Variants in PLS3 observed in about 807,000 individuals in gnomAD.
The protein encoded by PLS3 is plastin-3.
In PLS3, 11 loss-of-function variants were observed where a neutral mutation model predicts 46.5. The ratio of observed to expected loss-of-function variants is 0.24; its 90% CI spans 0.15 to 0.39. The LOEUF (loss-of-function observed/expected upper bound fraction) is 0.39, where lower values mean the gene tolerates loss of function less well. PLS3 is among the 10% of genes least tolerant of loss of function. PLS3 has a pLI of 1.00. For synonymous variants in PLS3, 167 were observed against 162.2 expected, an observed-to-expected ratio of 1.03 and a Z score of -0.22; for missense variants, 308 against 461.8, an observed-to-expected ratio of 0.67 and a Z score of 3.05.
At chrX:115,643,849 G>A (rs1256915741) in intron 10 of PLS3, among the ~76,000 whole-genome samples, 2 of 111,361 alleles carry the variant, frequency 1.8e-5, no homozygotes, top group Non-Finnish European at 3.8e-5. Flanking sequence ...GCACATGCCT[G>A]TAATCCCAGC....
rs2074993185 is a variant in PLS3, at chrX:115,650,666, A to G, written c.*1105A>G. On this transcript the variant is annotated 3_prime_UTR_variant, in exon 16 of 16. Transcript: ENST00000355899. ...TAGTAGTTCAAATAAAGGCATTTAC[A>G]TAATAATTAGTCTGTTCTTCATGCT... The G allele has an allele frequency of 8.9e-6, 1 of 112,362 alleles. No individual in the cohort carries two copies. The highest frequency in any genetic ancestry group is 3.7e-4 in the South Asian group (1 of 2,714). 9.3% of individuals were successfully genotyped at this position (112,362 alleles called of 1,213,427 possible).
intron 10 of PLS3, among the ~76,000 whole-genome samples, chrX:115,644,037 T>A (rs1332020380): frequency 1.8e-5 from 2 of 111,176 alleles, no homozygotes; most frequent in Admixed American, 9.6e-5. Context: ...AGTAAATCAG[T>A]ATTTAGTTTT....
At chrX:115,639,696 GC>G (rs2147566133) in intron 8 of PLS3, 1 of 331,550 alleles carries the variant, frequency 3.0e-6, no homozygotes, top group Non-Finnish European at 5.8e-6. Flanking sequence ...TTCTTAATAA[GC>G]GTTTGTGCAA....
chrX:115,600,983 A>G (rs1247616890), intron 1 of PLS3, among the ~76,000 whole-genome samples: 2 of 111,546 alleles, frequency 1.8e-5, no homozygotes, highest in Admixed American at 1.9e-4. Flanking sequence ...AGAGACCAGA[A>G]TAAAACAAAA....
In PLS3 at chrX:115,609,710, A is replaced by T. The variant is rs782283230; in HGVS notation, c.-8-533A>T. The stretch of plus-strand genomic sequence containing the variant: ...ATAATTTACATGCATAAGAATGTGT[A>T]TATTAGCACACATGTGCATTTTTAT... On this transcript the variant is annotated intron_variant, in intron 1 of 15. Coordinates refer to ENST00000355899, the MANE Select transcript of PLS3 (RefSeq NM_005032.7). 1.2e-3 allele frequency among the ~76,000 whole-genome samples: 139 copies of T among 112,697 alleles called. 1 individual carries two copies. The highest frequency in any genetic ancestry group is 4.3e-3 in the African/African-American group (135 of 31,124).
intron 2 of PLS3, among the ~76,000 whole-genome samples, chrX:115,620,096 A>G (rs782663590): frequency 3.6e-5 from 4 of 111,341 alleles, no homozygotes; most frequent in Non-Finnish European, 7.5e-5. Context: ...AATTTTAGTA[A>G]TTGACCAAAA....
intron 2 of PLS3, among the ~76,000 whole-genome samples, chrX:115,615,605 T>C (rs2074591442): frequency 9.1e-6 from 1 of 109,697 alleles, no homozygotes; most frequent in Non-Finnish European, 1.9e-5. Flanking sequence ...AATGGGCCTG[T>C]CTGGTGCAGC....
At chrX:115,621,026 T>A (rs1163178500) in intron 2 of PLS3, among the ~76,000 whole-genome samples, 1 of 106,388 alleles carries the variant, frequency 9.4e-6, no homozygotes, top group African/African-American at 3.4e-5. Context: ...TTTTATATAT[T>A]TTTTTGAGAC....
intron 2 of PLS3, among the ~76,000 whole-genome samples, chrX:115,620,388 C>T (rs1321860658): frequency 9.0e-6 from 1 of 111,364 alleles, no homozygotes; most frequent in Non-Finnish European, 1.9e-5. Context: ...TCATGGAAGT[C>T]TTCATTCAAA....
At chrX:115,612,359 C>T (rs1317990918) in intron 2 of PLS3, among the ~76,000 whole-genome samples, 2 of 111,358 alleles carry the variant, frequency 1.8e-5, no homozygotes, top group African/African-American at 6.5e-5. Flanking sequence ...AGGACCCAGC[C>T]GAGTCTTTCG....
chrX:115,630,682 A>G (rs1556639145), intron 5 of PLS3, among the ~76,000 whole-genome samples: 1 of 97,932 alleles, frequency 1.0e-5, no homozygotes, highest in African/African-American at 3.8e-5. Context: ...CTATATATAT[A>G]TAAAATATAT....
At chrX:115,642,108 G>C (rs377544888) in intron 9 of PLS3, among the ~76,000 whole-genome samples, 3 of 103,814 alleles carry the variant, frequency 2.9e-5, no homozygotes, top group Non-Finnish European at 5.9e-5. Flanking sequence ...CGAACTCCTG[G>C]GCTCAAGCAA....
At chrX:115,611,339 G>A (rs1457826825) in intron 2 of PLS3, among the ~76,000 whole-genome samples, 2 of 111,453 alleles carry the variant, frequency 1.8e-5, no homozygotes, top group Non-Finnish European at 3.8e-5. Context: ...TAACATGATC[G>A]CGCGCACGCG....
At chrX:115,630,091 G>A in intron 5 of PLS3, 124 bp downstream of exon 5, 1 of 494,764 alleles carries the variant, frequency 2.0e-6, no homozygotes, top group Non-Finnish European at 3.3e-6. Flanking sequence ...AATTATCCAG[G>A]TTCTGCCTTT....
Position 115,623,766 on chromosome X carries a change from C to T in PLS3, c.237+1357C>T, listed in dbSNP as rs141733888. ...TTATTTTTCCCCAAGACAACTGAAA[C>T]GATAGCATGTACTTCCATCAGTAAC... On this transcript the variant is annotated intron_variant, in intron 3 of 15. Transcript: ENST00000355899. 6.5e-3 allele frequency among the ~76,000 whole-genome samples: 726 copies of T among 111,444 alleles called. 7 individuals are homozygous for T. Among genetic ancestry groups the T allele is most frequent in the African/African-American group, 0.023 (704 of 30,663 alleles).
At chrX:115,599,949 T>C (rs2074427267) in intron 1 of PLS3, among the ~76,000 whole-genome samples, 1 of 110,871 alleles carries the variant, frequency 9.0e-6, no homozygotes, top group South Asian at 3.9e-4. Context: ...ATCTTTTTAA[T>C]TGTGCTTCAC....
intron 3 of PLS3, 83 bp downstream of exon 3, chrX:115,622,492 T>C: frequency 5.3e-6 from 3 of 563,825 alleles, no homozygotes; most frequent in Non-Finnish European, 8.5e-6. Flanking sequence ...AGTACTGTTA[T>C]GTTAAGTTCT....
At chrX:115,643,920 C>G (rs1556641363) in intron 10 of PLS3, among the ~76,000 whole-genome samples, 3 of 111,115 alleles carry the variant, frequency 2.7e-5, no homozygotes, top group African/African-American at 9.8e-5. Context: ...TACAGTGAGC[C>G]GAGATCGCGC....
chrX:115,622,914 A>T (rs910905879), intron 3 of PLS3, among the ~76,000 whole-genome samples: 23 of 111,842 alleles, frequency 2.1e-4, no homozygotes, highest in African/African-American at 7.5e-4. Flanking sequence ...AGTTTGAAGC[A>T]TATCTTTTCA....
Sources: allele counts gnomAD v4.1 joint callset (sites outside exome capture counted in the v4.1 genomes callset), GRCh38; gene constraint gnomAD v4.1.1; transcripts MANE v1.5; gene names NCBI Gene and HGNC (gene_info 2026-07-23, HGNC 2026-07-21).